The following SEMA3D variants were observed in gnomAD, a reference collection of about 807,000 sequenced individuals.
The protein encoded by SEMA3D is semaphorin-3D.
A neutral mutation model predicts 100.1 loss-of-function variants in SEMA3D; 84 were observed. The observed-to-expected ratio is 0.84, with a 90% CI of 0.70 to 1.01. SEMA3D has a LOEUF of 1.01. Among genes scored for constraint, SEMA3D ranks in the 50% least tolerant of loss-of-function variants. SEMA3D has a pLI of 0.00. For missense variants in SEMA3D, 875 were observed against 934.1 expected (o/e 0.94, Z 0.82); for synonymous variants, 312 against 320.7 (o/e 0.97, Z 0.29).
chr7:85,167,859 C>A (rs1790952745), intron 1 of SEMA3D, among the ~76,000 whole-genome samples: 1 of 151,750 alleles, frequency 6.6e-6, no homozygotes, highest in Non-Finnish European at 1.5e-5. Context: ...TTAAAGGTGA[C>A]CACATCAAGA....
intron 16 of SEMA3D, among the ~76,000 whole-genome samples, chr7:85,013,413 A>T (rs945946910): frequency 6.6e-6 from 1 of 151,722 alleles, no homozygotes; most frequent in Non-Finnish European, 1.5e-5. Flanking sequence ...GAGTAGCTCA[A>T]ATTGTTTTTC....
chr7:85,209,930 A>G, the SEMA3D span, among the ~76,000 whole-genome samples: 3 of 152,078 alleles, frequency 2.0e-5, no homozygotes, highest in Admixed American at 6.6e-5. Flanking sequence ...ACTATTTATA[A>G]TGCCTTCAAA....
At chr7:85,183,370 T>A (rs1406215669) in intron 1 of SEMA3D, among the ~76,000 whole-genome samples, 1 of 152,190 alleles carries the variant, frequency 6.6e-6, no homozygotes, top group Non-Finnish European at 1.5e-5. Flanking sequence ...CCAAGCAATA[T>A]CCTTTTTAGT....
chr7:85,116,611 G>T (rs1023219128), intron 3 of SEMA3D, among the ~76,000 whole-genome samples: 2 of 151,390 alleles, frequency 1.3e-5, no homozygotes, highest in African/African-American at 2.4e-5. Context: ...ACAGAATTTT[G>T]TTTCACTTAT....
chr7:85,101,883 A>G (rs1788756511), intron 3 of SEMA3D, among the ~76,000 whole-genome samples: 1 of 152,046 alleles, frequency 6.6e-6, no homozygotes, highest in Non-Finnish European at 1.5e-5. Context: ...CATGTATCTT[A>G]TCTTCCATTA....
intron 3 of SEMA3D, among the ~76,000 whole-genome samples, chr7:85,119,135 G>A (rs1789334376): frequency 6.6e-6 from 1 of 152,134 alleles, no homozygotes; most frequent in East Asian, 1.9e-4. Context: ...GCAAGGTTGT[G>A]GAGAAAACGG....
At chr7:85,000,708 C>T (rs2115704679) in intron 18 of SEMA3D, among the ~76,000 whole-genome samples, 1 of 152,290 alleles carries the variant, frequency 6.6e-6, no homozygotes, top group South Asian at 2.1e-4. Context: ...AAATGTGATG[C>T]TCTCCAGCCT....
intron 9 of SEMA3D, among the ~76,000 whole-genome samples, chr7:85,043,761 A>G (rs1325583727): frequency 1.3e-5 from 2 of 152,108 alleles, no homozygotes; most frequent in Admixed American, 6.6e-5. Context: ...GTTGCCCTGC[A>G]TAAGCTCTCC....
chr7:85,140,314 A>G, intron 2 of SEMA3D: 1 of 982,704 alleles, frequency 1.0e-6, no homozygotes, highest in Non-Finnish European at 1.2e-6. Context: ...TGACAGAGTG[A>G]AAATGCACGG....
chr7:85,202,165 G>A, the SEMA3D span, among the ~76,000 whole-genome samples: 7 of 149,396 alleles, frequency 4.7e-5, no homozygotes, highest in Non-Finnish European at 5.9e-5. Context: ...CCACTAACTC[G>A]TCATCTAGCA....
upstream of SEMA3D, among the ~76,000 whole-genome samples, chr7:85,189,617 C>A (rs890746005): frequency 1.3e-5 from 2 of 152,050 alleles, no homozygotes; most frequent in Non-Finnish European, 2.9e-5. Flanking sequence ...GTTAAAACCA[C>A]CTAATTGTTG....
chr7:85,029,438 A>G (rs553090010), intron 12 of SEMA3D: 6 of 765,444 alleles, frequency 7.8e-6, no homozygotes, highest in Admixed American at 5.2e-5. Flanking sequence ...CTTCAAGTCA[A>G]GATTAACAAT....
At chr7:85,074,580 T>C (rs750585122) in intron 5 of SEMA3D, among the ~76,000 whole-genome samples, 2 of 151,960 alleles carry the variant, frequency 1.3e-5, no homozygotes, top group Non-Finnish European at 2.9e-5. Context: ...TGAATAGCTA[T>C]GTCTACAGAT....
rs556558948 is a variant in SEMA3D, at chr7:85,025,507, G to A, written c.1192-2894C>T. ...GAATGGGAAGCAATGGATAAGAGGA[G>A]AAAAATGGTTTTTATCCAAAGAGAG... On this transcript the variant is annotated intron_variant, in intron 12 of 18. Coordinates refer to ENST00000284136, the MANE Select transcript of SEMA3D (RefSeq NM_001384900.1). Among the ~76,000 whole-genome samples the A allele has an allele frequency of 2.3e-4, 35 of 152,074 alleles. No individual in the cohort carries two copies. The South Asian group carries it at 2.5e-3, about 11-fold the overall frequency.
At chr7:85,077,451 T>C (rs1353446087) in intron 5 of SEMA3D, among the ~76,000 whole-genome samples, 2 of 151,982 alleles carry the variant, frequency 1.3e-5, no homozygotes, top group African/African-American at 2.4e-5. Context: ...TGTATATATA[T>C]TATATATGTT....
At chr7:85,246,349 G>A in the SEMA3D span, among the ~76,000 whole-genome samples, 2 of 151,968 alleles carry the variant, frequency 1.3e-5, no homozygotes, top group Non-Finnish European at 2.9e-5. Flanking sequence ...CATACAAAAA[G>A]CTATAGAAAA....
At chr7:85,101,142 C>G (rs1042918031) in intron 3 of SEMA3D, among the ~76,000 whole-genome samples, 2 of 151,848 alleles carry the variant, frequency 1.3e-5, no homozygotes, top group Non-Finnish European at 2.9e-5. Context: ...TAATCTAAAG[C>G]CTTAACAAGA....
At chr7:85,230,720 C>T in the SEMA3D span, among the ~76,000 whole-genome samples, 1 of 152,188 alleles carries the variant, frequency 6.6e-6, no homozygotes. Context: ...TGGCTGTTTG[C>T]TCATTTCCTG....
intron 8 of SEMA3D, among the ~76,000 whole-genome samples, chr7:85,062,643 AG>A (rs1283752381): frequency 6.6e-6 from 1 of 152,220 alleles, no homozygotes; most frequent in Non-Finnish European, 1.5e-5. Context: ...ATTAAAACAA[AG>A]GGTCATTAAA....
Sources: gnomAD v4.1 joint callset for allele counts (sites outside exome capture counted in the v4.1 genomes callset) on GRCh38, gnomAD v4.1.1 for gene constraint, MANE v1.5 for transcripts, NCBI Gene and HGNC (gene_info 2026-07-23, HGNC 2026-07-21) for gene names.